Variants in AGAP1 observed in about 807,000 individuals in gnomAD.
The protein encoded by AGAP1 is ArfGAP with GTPase domain, ankyrin repeat and PH domain 1.
AGAP1 carries 29 observed loss-of-function variants against 105.3 expected under a neutral mutation model. The observed-to-expected ratio is 0.28, with a 90% CI of 0.21 to 0.38. The LOEUF is 0.38. AGAP1 is among the 10% of genes least tolerant of loss of function. AGAP1 has a pLI of 1.00. For synonymous variants in AGAP1, 509 were observed against 485.9 expected (o/e 1.05, Z -0.63); for missense variants, 998 against 1,165.1 (o/e 0.86, Z 2.09).
intron 9 of AGAP1, among the ~76,000 whole-genome samples, chr2:235,838,300 C>G (rs1227291439): frequency 6.6e-6 from 1 of 152,024 alleles, no homozygotes; most frequent in Non-Finnish European, 1.5e-5. Flanking sequence ...GTAAATGGCA[C>G]TATTGATAAA....
chr2:236,068,101 A>T (rs1374428111), intron 16 of AGAP1, among the ~76,000 whole-genome samples: 1 of 152,124 alleles, frequency 6.6e-6, no homozygotes, highest in African/African-American at 2.4e-5. Context: ...GTGAAACCCC[A>T]TCTCTGCTAA....
rs2056630049 is a variant in AGAP1 at position 236,014,630 on chromosome 2, G to A, written c.1646-21931G>A. 6.6e-6 allele frequency among the ~76,000 whole-genome samples: 1 copy of A among 152,186 alleles called. No individual in the cohort carries two copies. Among genetic ancestry groups the A allele is most frequent in the Non-Finnish European group, 1.5e-5 (1 of 68,040 alleles). On this transcript the variant is annotated intron_variant, in intron 13 of 17. Transcript: ENST00000304032. This position sits in a 1 kb window ranked among gnomAD's most constrained non-coding sequence, Gnocchi z 6.3. Reference sequence around the variant, plus strand: ...CTGAGTTCCTCTGTTCACCGCAGGGGAGTTGGAGGGCTCAGCCCAGGGAGC... The same window carrying A: ...CTGAGTTCCTCTGTTCACCGCAGGGAAGTTGGAGGGCTCAGCCCAGGGAGC...
intron 9 of AGAP1, among the ~76,000 whole-genome samples, chr2:235,851,779 G>C (rs2048471457): frequency 6.6e-6 from 1 of 152,130 alleles, no homozygotes; most frequent in Non-Finnish European, 1.5e-5. Context: ...AAATCTGGGG[G>C]CTTTGGTAGC....
rs1404395736 is a variant in AGAP1, at chr2:235,905,385, G to A, written c.1156-3353G>A. On this transcript the variant is annotated intron_variant, in intron 10 of 17. Transcript: ENST00000304032. The surrounding 1 kb of genome is among the most constrained non-coding windows in gnomAD (Gnocchi z 4.2). Reference sequence around the variant, plus strand: ...GCATTAACTTTGGTTTGGAAAGTTGGGTTTGCATATTTTCAGTGGATATTA... The same window carrying A: ...GCATTAACTTTGGTTTGGAAAGTTGAGTTTGCATATTTTCAGTGGATATTA... Among the ~76,000 whole-genome samples, 1 of 152,202 alleles carries A rather than the reference G, an allele frequency of 6.6e-6. No individual in the cohort carries two copies. The highest frequency in any genetic ancestry group is 1.5e-5 in the Non-Finnish European group (1 of 68,034).
chr2:235,909,156 A>G (rs575061716), intron 11 of AGAP1, among the ~76,000 whole-genome samples: 105 of 152,222 alleles, frequency 6.9e-4, no homozygotes, highest in Non-Finnish European at 1.2e-3. Context: ...CCAGGGCTGC[A>G]TAGTGGAAAG....
At chr2:235,907,245 G>A (rs1475330375) in intron 10 of AGAP1, among the ~76,000 whole-genome samples, 2 of 152,196 alleles carry the variant, frequency 1.3e-5, no homozygotes, top group Non-Finnish European at 2.9e-5. Flanking sequence ...TTAAAAGACA[G>A]CAGCCCACTT....
Position 236,072,847 on chromosome 2 carries a change from A to G in AGAP1, c.2114+23566A>G, listed in dbSNP as rs541397019. On this transcript the variant is annotated intron_variant, in intron 16 of 17. Coordinates refer to ENST00000304032, the MANE Select transcript of AGAP1 (RefSeq NM_001037131.3). ...GTCCAGCTGAACTATACCAGGAGCC[A>G]TATGTGTTGTTTTAAATTTTCTAGT... Among the ~76,000 whole-genome samples, 5 of 152,258 alleles carry G rather than the reference A, an allele frequency of 3.3e-5. No homozygotes were observed. In the South Asian group the frequency reaches 8.3e-4, roughly 25 times the overall value.
Position 236,012,410 on chromosome 2 carries a change from G to C in AGAP1, c.1646-24151G>C, listed in dbSNP as rs1389204235. 4.6e-5 allele frequency among the ~76,000 whole-genome samples: 7 copies of C among 152,066 alleles called. No homozygotes were observed. In the East Asian group the frequency reaches 1.4e-3, roughly 29 times the overall value. ...CTCTTTCTGGAACTTGCGAAATACT[G>C]TCCCAGACACCAGAGCTGCAGCAGT... On this transcript the variant is annotated intron_variant, in intron 13 of 17. Coordinates refer to ENST00000304032, the MANE Select transcript of AGAP1 (RefSeq NM_001037131.3). This position sits in a 1 kb window ranked among gnomAD's most constrained non-coding sequence, Gnocchi z 4.9.
intron 1 of AGAP1, among the ~76,000 whole-genome samples, chr2:235,697,507 G>A (rs1950051997): frequency 6.6e-6 from 1 of 152,186 alleles, no homozygotes; most frequent in Non-Finnish European, 1.5e-5. Context: ...GACTGTCTGT[G>A]TCTGTCACCC....
At chr2:235,782,340 A>G (rs1473336688) in intron 6 of AGAP1, among the ~76,000 whole-genome samples, 1 of 151,706 alleles carries the variant, frequency 6.6e-6, no homozygotes, top group Non-Finnish European at 1.5e-5. Context: ...TCTCATGTAT[A>G]TTATTTTTTG....
intron 1 of AGAP1, among the ~76,000 whole-genome samples, chr2:235,509,661 G>T (rs1239489585): frequency 6.6e-6 from 1 of 152,018 alleles, no homozygotes; most frequent in Non-Finnish European, 1.5e-5. Context: ...CCTCATGCCC[G>T]TTTGCAACCT....
chr2:235,880,861 G>A (rs908209414), intron 9 of AGAP1, among the ~76,000 whole-genome samples: 1 of 152,144 alleles, frequency 6.6e-6, no homozygotes, highest in African/African-American at 2.4e-5. Context: ...GTTTATTACC[G>A]CATCGCTGAT....
rs534839835 is a variant in AGAP1 at position 235,725,208 on chromosome 2, G to T, written c.310+7564G>T. 6.6e-6 allele frequency among the ~76,000 whole-genome samples: 1 copy of T among 152,302 alleles called. No individual in the cohort carries two copies. Among genetic ancestry groups the T allele is most frequent in the South Asian group, 2.1e-4 (1 of 4,826 alleles). On this transcript the variant is annotated intron_variant, in intron 3 of 17. Coordinates refer to ENST00000304032, the MANE Select transcript of AGAP1 (RefSeq NM_001037131.3). The surrounding 1 kb of genome is among the most constrained non-coding windows in gnomAD (Gnocchi z 5.7). ...AGTCTTTGTTCCCGGGGTTAGCCTTGCCACCCTCCTTCAGGACTGCCTAGA... is the reference window on the plus strand; with the variant it reads ...AGTCTTTGTTCCCGGGGTTAGCCTTTCCACCCTCCTTCAGGACTGCCTAGA...
Position 235,612,735 on chromosome 2 carries a change from G to C in AGAP1, c.164-96444G>C, listed in dbSNP as rs1946174775. ...CATGGGGTGGCCGGCCAGGTGTGCT[G>C]AGTGCCACCTGGGCTTGCATGCCGG... is the stretch of plus-strand genomic sequence containing the variant. On this transcript the variant is annotated intron_variant, in intron 1 of 17. Transcript: ENST00000304032. The surrounding 1 kb of genome is among the most constrained non-coding windows in gnomAD (Gnocchi z 4.3). 6.6e-6 allele frequency among the ~76,000 whole-genome samples: 1 copy of C among 152,006 alleles called. No individual in the cohort carries two copies. The highest frequency in any genetic ancestry group is 1.5e-5 in the Non-Finnish European group (1 of 68,004).
At position 235,725,250 on chromosome 2, in the gene AGAP1, G is replaced by A. The variant is rs186555279; in HGVS notation, c.310+7606G>A. 2.0e-5 allele frequency among the ~76,000 whole-genome samples: 3 copies of A among 152,242 alleles called. No homozygotes were observed. The highest frequency in any genetic ancestry group is 7.2e-5 in the African/African-American group (3 of 41,534). On this transcript the variant is annotated intron_variant, in intron 3 of 17. Transcript: ENST00000304032. This position sits in a 1 kb window ranked among gnomAD's most constrained non-coding sequence, Gnocchi z 5.7. ...CTGCCTAGAATTGTTTCCTGTCATC[G>A]GGGTAGTAAATGTGTTCTCAGGAGC...
chr2:235,779,861 G>GA lies in AGAP1; in HGVS notation c.674-17897dup, dbSNP rs561887110. Among the ~76,000 whole-genome samples the GA allele has an allele frequency of 7.2e-5, 11 of 152,350 alleles. No homozygotes were observed. In the South Asian group the frequency reaches 2.3e-3, roughly 32 times the overall value. ...TCAGAACTGTGCAGCCTAAAGCCGG[G>GA]ACCCCTGGTAGCTGCTTTGTAAAGG... On this transcript the variant is annotated intron_variant, in intron 6 of 17. Transcript: ENST00000304032.
At chr2:235,632,908 G>A (rs75577525) in intron 1 of AGAP1, among the ~76,000 whole-genome samples, 1 of 152,234 alleles carries the variant, frequency 6.6e-6, no homozygotes, top group African/African-American at 2.4e-5. Flanking sequence ...GAAGGTTCAG[G>A]TGCTTTGCTG....
chr2:235,587,654 C>T (rs1945162541), intron 1 of AGAP1, among the ~76,000 whole-genome samples: 1 of 151,966 alleles, frequency 6.6e-6, no homozygotes, highest in Admixed American at 6.5e-5. Flanking sequence ...ACTCTGGAGG[C>T]TGAGGCAGGA....
chr2:235,562,555 C>T (rs1313587091), intron 1 of AGAP1, among the ~76,000 whole-genome samples: 1 of 148,286 alleles, frequency 6.7e-6, no homozygotes, highest in African/African-American at 2.5e-5. Flanking sequence ...TTCCGCTGCC[C>T]CATGCTTTCT....
Sources: allele counts gnomAD v4.1 joint callset (sites outside exome capture counted in the v4.1 genomes callset), GRCh38; gene constraint gnomAD v4.1.1; non-coding constraint Gnocchi (gnomAD v3.1); transcripts MANE v1.5; gene names NCBI Gene and HGNC (gene_info 2026-07-23, HGNC 2026-07-21).